Variants in MARCHF1 observed in about 807,000 individuals in gnomAD.
The protein encoded by MARCHF1 is E3 ubiquitin-protein ligase MARCHF1.
MARCHF1 carries 40 observed loss-of-function variants against 54.2 expected under a neutral mutation model. The ratio of observed to expected loss-of-function variants is 0.74; its 90% CI spans 0.57 to 0.96. The LOEUF (loss-of-function observed/expected upper bound fraction) is 0.96. Among genes scored for constraint, MARCHF1 ranks in the 40% least tolerant of loss-of-function variants. MARCHF1 has a pLI of 0.00. For missense variants in MARCHF1, 586 were observed against 656.5 expected, an observed-to-expected ratio of 0.89 and a Z score of 1.17; for synonymous variants, 236 against 236.3, an observed-to-expected ratio of 1.00 and a Z score of 0.01.
chr4:163,789,059 C>T (rs957493192), intron 4 of MARCHF1, among the ~76,000 whole-genome samples: 1 of 151,924 alleles, frequency 6.6e-6, no homozygotes, highest in African/African-American at 2.4e-5. Context: ...ATTCTTTCTA[C>T]ATTTTTTGTT....
At chr4:164,141,864 G>A (rs903437063) in intron 1 of MARCHF1, among the ~76,000 whole-genome samples, 5 of 152,196 alleles carry the variant, frequency 3.3e-5, no homozygotes, top group African/African-American at 7.2e-5. Context: ...CTCCCAGCGT[G>A]AGCAACGCAG....
intron 9 of MARCHF1, among the ~76,000 whole-genome samples, chr4:163,538,606 G>T (rs1164152543): frequency 1.3e-5 from 2 of 152,116 alleles, no homozygotes; most frequent in African/African-American, 4.8e-5. Flanking sequence ...CTCTTATTAA[G>T]GTTAATGGCT....
At chr4:164,049,836 A>G (rs972531948) in intron 2 of MARCHF1, among the ~76,000 whole-genome samples, 1 of 152,196 alleles carries the variant, frequency 6.6e-6, no homozygotes, top group Admixed American at 6.5e-5. Flanking sequence ...TTTATGAGGC[A>G]GGCATATATT....
intron 1 of MARCHF1, among the ~76,000 whole-genome samples, chr4:164,260,881 TAC>T (rs1733441947): frequency 6.6e-6 from 1 of 152,200 alleles, no homozygotes; most frequent in African/African-American, 2.4e-5. Context: ...ATACCAATAA[TAC>T]AAAGGTGTAA....
intron 1 of MARCHF1, among the ~76,000 whole-genome samples, chr4:164,282,824 A>C (rs1244378840): frequency 6.6e-6 from 1 of 151,232 alleles, no homozygotes; most frequent in Non-Finnish European, 1.5e-5. Flanking sequence ...AATTATTTCT[A>C]GCCAGGTACG....
chr4:163,925,976 T>C (rs556226492), intron 3 of MARCHF1, among the ~76,000 whole-genome samples: 4 of 151,880 alleles, frequency 2.6e-5, no homozygotes, highest in African/African-American at 9.6e-5. Context: ...TTTTGTTTTT[T>C]ACTTTCTTCT....
intron 4 of MARCHF1, among the ~76,000 whole-genome samples, chr4:163,783,970 T>C (rs926598038): frequency 6.6e-6 from 1 of 152,350 alleles, no homozygotes; most frequent in South Asian, 2.1e-4. Flanking sequence ...TATAGGTTTA[T>C]AGCTTTCCAG....
intron 2 of MARCHF1, among the ~76,000 whole-genome samples, chr4:164,020,582 C>T (rs1314373636): frequency 2.0e-5 from 3 of 152,162 alleles, no homozygotes; most frequent in Non-Finnish European, 4.4e-5. Flanking sequence ...GGAGTTTTGG[C>T]CACTTATAAT....
intron 1 of MARCHF1, among the ~76,000 whole-genome samples, chr4:164,351,572 TAACA>T (rs1040892832): frequency 1.5e-4 from 23 of 152,188 alleles, no homozygotes; most frequent in African/African-American, 5.3e-4. Context: ...GAAGGAAAAC[TAACA>T]AACAGAAAGG....
intron 1 of MARCHF1, among the ~76,000 whole-genome samples, chr4:164,312,919 A>T (rs74649735): frequency 0.035 from 5,347 of 152,248 alleles, 177 homozygotes; most frequent in East Asian, 0.12. Flanking sequence ...GCATTAGAAC[A>T]GTAAAGCAAC....
intron 7 of MARCHF1, among the ~76,000 whole-genome samples, chr4:163,596,304 A>T (rs6852369): frequency 2.6e-5 from 4 of 152,050 alleles, no homozygotes; most frequent in African/African-American, 9.7e-5. Context: ...CACTTTGGGA[A>T]GCCGAGGCAG....
intron 1 of MARCHF1, among the ~76,000 whole-genome samples, chr4:164,309,343 G>C (rs181247979): frequency 6.6e-6 from 1 of 151,600 alleles, no homozygotes; most frequent in Admixed American, 6.6e-5. Context: ...TCTGCTTTGC[G>C]CTCCCTGCCA....
chr4:163,767,565 A>C (rs1747022335), intron 4 of MARCHF1, among the ~76,000 whole-genome samples: 1 of 151,954 alleles, frequency 6.6e-6, no homozygotes, highest in Non-Finnish European at 1.5e-5. Context: ...CGATCTCCTG[A>C]CCTCATGATC....
chr4:164,276,876 CATAT>C (rs201004757), intron 1 of MARCHF1, among the ~76,000 whole-genome samples: 1 of 140,058 alleles, frequency 7.1e-6, no homozygotes, highest in African/African-American at 2.6e-5. Flanking sequence ...ATATTACATA[CATAT>C]ATATATATAT....
At chr4:164,225,376 C>T (rs1323958552) in intron 1 of MARCHF1, among the ~76,000 whole-genome samples, 1 of 151,940 alleles carries the variant, frequency 6.6e-6, no homozygotes, top group Non-Finnish European at 1.5e-5. Context: ...TCTATTTGCC[C>T]ATGATGTCCA....
intron 4 of MARCHF1, among the ~76,000 whole-genome samples, chr4:163,722,739 T>C (rs1482393587): frequency 2.0e-5 from 3 of 152,090 alleles, no homozygotes; most frequent in East Asian, 1.9e-4. Context: ...ATATTTAAGA[T>C]AGTTAGCTCT....
At chr4:164,339,791 A>G (rs1004877886) in intron 1 of MARCHF1, among the ~76,000 whole-genome samples, 2 of 152,150 alleles carry the variant, frequency 1.3e-5, no homozygotes, top group South Asian at 4.1e-4. Flanking sequence ...GTTTTTTGAA[A>G]AAATAAACAA....
At chr4:163,763,712 T>C (rs1247139633) in intron 4 of MARCHF1, among the ~76,000 whole-genome samples, 1 of 152,094 alleles carries the variant, frequency 6.6e-6, no homozygotes, top group Admixed American at 6.6e-5. Context: ...ATGTACCGTA[T>C]AGCAATGAAG....
chr4:163,855,719 CATGA>C (rs1749752413), intron 3 of MARCHF1, among the ~76,000 whole-genome samples: 1 of 152,118 alleles, frequency 6.6e-6, no homozygotes, highest in Non-Finnish European at 1.5e-5. Flanking sequence ...TAAATTCATT[CATGA>C]ATGAAGAACA....
Sources: gnomAD v4.1 joint callset for allele counts (sites outside exome capture counted in the v4.1 genomes callset) on GRCh38, gnomAD v4.1.1 for gene constraint, MANE v1.5 for transcripts, NCBI Gene and HGNC (gene_info 2026-07-23, HGNC 2026-07-21) for gene names.